CSRNP3: variants seen among roughly 807,000 people sequenced by gnomAD.
CSRNP3 encodes the protein cysteine and serine rich nuclear protein 3, also known as cysteine/serine-rich nuclear protein 3.
CSRNP3 carries 12 observed loss-of-function variants against 48.0 expected under a neutral mutation model. The ratio of observed to expected loss-of-function variants is 0.25; its 90% CI spans 0.16 to 0.41. The LOEUF (loss-of-function observed/expected upper bound fraction) is 0.41, where lower values mean the gene tolerates loss of function less well. Among genes scored for constraint, CSRNP3 ranks in the 10% least tolerant of loss-of-function variants. The probability of loss-of-function intolerance (pLI) is 1.00; values close to 1 mark genes in which losing one functional copy is unlikely to be tolerated. For missense variants in CSRNP3, 580 were observed against 724.4 expected (o/e 0.80, Z 2.29); for synonymous variants, 263 against 269.7 (o/e 0.98, Z 0.24).
chr2:165,477,498 A>ATAAC, intron 1 of CSRNP3, among the ~76,000 whole-genome samples: 1 of 112,066 alleles, frequency 8.9e-6, no homozygotes. Flanking sequence ...ATATATATAT[A>ATAAC]ATACAAATAT....
rs533790698 is a variant in CSRNP3 at position 165,595,104 on chromosome 2, C to T, written c.39C>T (p.Asp13=). ...TAAAGAGGAAGTTTGAAGAAGTTGA[C>T]GGCTCCTCACCCTGCTCCTCTGTGA... ...GILKRKFEEV[D]GSSPCSSVRE... The change falls in exon 4 of 7, where the codon GAC becomes GAT. Residue 13 remains aspartate, a synonymous_variant. Coordinates refer to ENST00000651982, the MANE Select transcript of CSRNP3 (RefSeq NM_001172173.2). The T allele has an allele frequency of 1.9e-5, 31 of 1,613,998 alleles. No homozygotes were observed. Among genetic ancestry groups the T allele is most frequent in the Non-Finnish European group, 2.4e-5 (28 of 1,179,904 alleles).
In CSRNP3 at chr2:165,679,309, AATAG is replaced by A. The variant is rs1286968152; in HGVS notation, c.1319_1322del (p.Asp440AlafsTer32). The stretch of plus-strand genomic sequence containing the variant: ...CCAACTCTTCAACTCTGTATTACCA[AATAG>A]ATAGCCACATTCCAGGAACTCCAAA... On this transcript the variant is annotated frameshift_variant, in exon 7 of 7. Coordinates refer to ENST00000651982, the MANE Select transcript of CSRNP3 (RefSeq NM_001172173.2). LOFTEE classifies it high-confidence loss of function. 1.2e-6 allele frequency: 2 copies of A among 1,613,774 alleles called. No homozygotes were observed. Among genetic ancestry groups the A allele is most frequent in the Non-Finnish European group, 1.7e-6 (2 of 1,179,964 alleles).
At position 165,677,988 on chromosome 2, in the gene CSRNP3, G is replaced by T. The variant is rs1336099523; in HGVS notation, c.706-713G>T. On this transcript the variant is annotated intron_variant, in intron 6 of 6. Coordinates refer to ENST00000651982, the MANE Select transcript of CSRNP3 (RefSeq NM_001172173.2). ...GTATCTAATGGAATGGAGAGGGAAGGGGGGACTCAGGACCTAAACACATGA... is the reference window on the plus strand; with the variant it reads ...GTATCTAATGGAATGGAGAGGGAAGTGGGGACTCAGGACCTAAACACATGA... 4.7e-5 allele frequency among the ~76,000 whole-genome samples: 7 copies of T among 150,246 alleles called. No homozygotes were observed. In the East Asian group the frequency reaches 1.4e-3, roughly 29 times the overall value.
chr2:165,660,732 TA>T (rs1286472558), intron 5 of CSRNP3, among the ~76,000 whole-genome samples: 1 of 152,232 alleles, frequency 6.6e-6, no homozygotes, highest in Non-Finnish European at 1.5e-5. Context: ...ATTTGTTTTT[TA>T]AAATTCTGCT....
chr2:165,609,222 G>A (rs1267115401), intron 4 of CSRNP3, among the ~76,000 whole-genome samples: 6 of 151,562 alleles, frequency 4.0e-5, no homozygotes, highest in Non-Finnish European at 5.9e-5. Context: ...TTGGGAGGCC[G>A]AGGCAGGAGG....
intron 4 of CSRNP3, among the ~76,000 whole-genome samples, chr2:165,636,407 G>C (rs182322003): frequency 2.0e-5 from 3 of 152,228 alleles, no homozygotes; most frequent in African/African-American, 7.2e-5. Flanking sequence ...GTTTTCAGAG[G>C]CCTGTATATG....
intron 1 of CSRNP3, among the ~76,000 whole-genome samples, chr2:165,482,367 G>A (rs752821122): frequency 9.2e-5 from 14 of 151,800 alleles, no homozygotes; most frequent in African/African-American, 1.2e-4. Context: ...GAGTCCAAGC[G>A]ATTCTTGTGC....
At chr2:165,584,366 G>T (rs980957702) in intron 3 of CSRNP3, among the ~76,000 whole-genome samples, 1 of 152,122 alleles carries the variant, frequency 6.6e-6, no homozygotes, top group Non-Finnish European at 1.5e-5. Flanking sequence ...CAACTTCTCT[G>T]CTGGGTTTGA....
intron 5 of CSRNP3, among the ~76,000 whole-genome samples, chr2:165,675,585 A>T (rs193125463): frequency 6.6e-6 from 1 of 152,294 alleles, no homozygotes; most frequent in Non-Finnish European, 1.5e-5. Context: ...TTTCCACATG[A>T]GCTATTATGC....
intron 4 of CSRNP3, among the ~76,000 whole-genome samples, chr2:165,595,902 TTC>T (rs1319883580): frequency 6.6e-6 from 1 of 152,232 alleles, no homozygotes; most frequent in Non-Finnish European, 1.5e-5. Context: ...GTTCAAGTGA[TTC>T]TCCTGTCTCA....
At chr2:165,614,366 T>C (rs896796410) in intron 4 of CSRNP3, among the ~76,000 whole-genome samples, 6 of 152,236 alleles carry the variant, frequency 3.9e-5, no homozygotes, top group Admixed American at 6.5e-5. Flanking sequence ...TATAAAATCA[T>C]GTCATCTGCA....
chr2:165,602,214 A>G (rs999900467), intron 4 of CSRNP3, among the ~76,000 whole-genome samples: 1 of 152,152 alleles, frequency 6.6e-6, no homozygotes. Context: ...CGCTCAAAAG[A>G]TCCTTTCTAG....
At chr2:165,596,703 G>A (rs1327515780) in intron 4 of CSRNP3, among the ~76,000 whole-genome samples, 1 of 151,332 alleles carries the variant, frequency 6.6e-6, no homozygotes, top group African/African-American at 2.4e-5. Context: ...CTCAGAAGAA[G>A]AGATGTATTT....
intron 4 of CSRNP3, among the ~76,000 whole-genome samples, chr2:165,624,363 G>A (rs1011040343): frequency 2.0e-5 from 3 of 152,276 alleles, no homozygotes; most frequent in East Asian, 3.9e-4. Context: ...CTATAGAATC[G>A]CCAAAGAGGG....
intron 2 of CSRNP3, among the ~76,000 whole-genome samples, chr2:165,506,018 CA>C (rs1684421677): frequency 6.6e-6 from 1 of 152,030 alleles, no homozygotes; most frequent in Non-Finnish European, 1.5e-5. Context: ...CACATTAGGC[CA>C]AAATGGATTG....
intron 4 of CSRNP3, among the ~76,000 whole-genome samples, chr2:165,616,235 G>A (rs1686240725): frequency 6.6e-6 from 1 of 152,018 alleles, no homozygotes; most frequent in African/African-American, 2.4e-5. Flanking sequence ...TGATTGTTTT[G>A]TGTATACTTG....
At chr2:165,472,957 G>A (rs544261919) in intron 1 of CSRNP3, among the ~76,000 whole-genome samples, 11 of 152,080 alleles carry the variant, frequency 7.2e-5, no homozygotes, top group African/African-American at 1.7e-4. Context: ...CAATTAACAC[G>A]AGCAAAGCAC....
At chr2:165,501,075 T>C (rs1050889430) in intron 2 of CSRNP3, among the ~76,000 whole-genome samples, 4 of 152,100 alleles carry the variant, frequency 2.6e-5, no homozygotes, top group African/African-American at 9.7e-5. Context: ...TATACATTTA[T>C]AGATATATAT....
intron 5 of CSRNP3, among the ~76,000 whole-genome samples, chr2:165,668,779 C>A (rs551909928): frequency 6.6e-6 from 1 of 152,272 alleles, no homozygotes; most frequent in South Asian, 2.1e-4. Context: ...GCACTGAGAT[C>A]AGCTCTTAGA....
Sources: gnomAD v4.1 joint callset for allele counts (sites outside exome capture counted in the v4.1 genomes callset) on GRCh38, gnomAD v4.1.1 for gene constraint, MANE v1.5 for transcripts, NCBI Gene and HGNC (gene_info 2026-07-23, HGNC 2026-07-21) for gene names.